The following CFAP91 variants were observed in gnomAD, a reference collection of about 807,000 sequenced individuals.
The protein encoded by CFAP91 is cilia- and flagella-associated protein 91.
A neutral mutation model predicts 95.9 loss-of-function variants in CFAP91; 85 were observed. The observed-to-expected ratio is 0.89, with a 90% CI of 0.74 to 1.06. CFAP91 has a LOEUF of 1.06. Among genes scored for constraint, CFAP91 ranks in the 50% least tolerant of loss-of-function variants. The pLI is 0.00. For synonymous variants in CFAP91, 335 were observed against 327.5 expected (o/e 1.02, Z -0.25); for missense variants, 962 against 943.4 (o/e 1.02, Z -0.26).
chr3:119,754,173 A>G (rs1441853781), intron 17 of CFAP91, among the ~76,000 whole-genome samples: 1 of 152,222 alleles, frequency 6.6e-6, no homozygotes, highest in Admixed American at 6.5e-5. Context: ...GGAATATGTT[A>G]TTAGAAACTA....
At chr3:119,744,804 A>G (rs1020141057) in intron 14 of CFAP91, among the ~76,000 whole-genome samples, 2 of 152,200 alleles carry the variant, frequency 1.3e-5, no homozygotes, top group African/African-American at 4.8e-5. Context: ...CCGAAGATGT[A>G]AATTTGGAAG....
Position 119,765,083 on chromosome 3 carries a change from A to T in CFAP91, c.*33A>T, listed in dbSNP as rs1385847895. ...ATTTTTTTGTAAAAGAAGCTGTACG[A>T]ATCATCATAAATAATTCCAATAGTC... On this transcript the variant is annotated 3_prime_UTR_variant, in exon 18 of 18. Coordinates refer to ENST00000273390, the MANE Select transcript of CFAP91 (RefSeq NM_033364.4). 1.3e-5 allele frequency: 2 copies of T among 152,206 alleles called. No individual in the cohort carries two copies. The highest frequency in any genetic ancestry group is 2.9e-5 in the Non-Finnish European group (2 of 68,020). The allele number at this position is 152,206 out of a possible 1,614,324, so 9.4% of individuals were successfully genotyped here. A position where few individuals can be genotyped will look rare whatever the true frequency, so the allele number is the denominator to read the frequency against.
intron 6 of CFAP91, among the ~76,000 whole-genome samples, chr3:119,720,616 A>T (rs1275266687): frequency 6.6e-6 from 1 of 152,210 alleles, no homozygotes; most frequent in Non-Finnish European, 1.5e-5. Flanking sequence ...AAACTGCTTT[A>T]TGCAACTTCT....
At chr3:119,718,124 G>A (rs191846739) in intron 6 of CFAP91, among the ~76,000 whole-genome samples, 45 of 152,326 alleles carry the variant, frequency 3.0e-4, no homozygotes, top group Middle Eastern at 3.4e-3. Context: ...GACACCAGGA[G>A]TGACCCACAA....
intron 5 of CFAP91, chr3:119,715,300 A>G: frequency 1.7e-6 from 1 of 573,346 alleles, no homozygotes; most frequent in East Asian, 3.3e-5. Flanking sequence ...GCCCAGTGAC[A>G]CACATATAAA....
chr3:119,762,297 C>T (rs1247844422), intron 17 of CFAP91, among the ~76,000 whole-genome samples: 2 of 151,776 alleles, frequency 1.3e-5, no homozygotes, highest in Non-Finnish European at 3.0e-5. Context: ...GAGACCTGTA[C>T]ATTGAAAACT....
intron 8 of CFAP91, among the ~76,000 whole-genome samples, chr3:119,732,070 T>C (rs1228206152): frequency 6.6e-6 from 1 of 152,232 alleles, no homozygotes; most frequent in African/African-American, 2.4e-5. Flanking sequence ...TTGAGGACAC[T>C]AGCTGATTCT....
chr3:119,752,124 A>T (rs531893217), intron 17 of CFAP91, among the ~76,000 whole-genome samples: 1 of 152,190 alleles, frequency 6.6e-6, no homozygotes, highest in East Asian at 1.9e-4. Flanking sequence ...TTCTCCCTCA[A>T]CCCTTTTGTG....
intron 7 of CFAP91, among the ~76,000 whole-genome samples, chr3:119,726,979 T>C (rs1194578781): frequency 6.6e-6 from 1 of 152,148 alleles, no homozygotes; most frequent in African/African-American, 2.4e-5. Flanking sequence ...GAGGTACTTG[T>C]GGTTGGGTTT....
intron 1 of CFAP91, among the ~76,000 whole-genome samples, chr3:119,704,446 C>T (rs984764748): frequency 3.9e-5 from 6 of 152,168 alleles, no homozygotes; most frequent in African/African-American, 1.4e-4. Context: ...AACTAAGATG[C>T]TGTGCTCTCC....
rs2053416177 is a variant in CFAP91, at chr3:119,708,517, A to G, written c.360-74A>G. The G allele has an allele frequency of 4.9e-6, 5 of 1,018,946 alleles. No individual in the cohort carries two copies. In the East Asian group the frequency reaches 1.0e-4, roughly 21 times the overall value. 63.1% of individuals were successfully genotyped at this position (1,018,946 alleles called of 1,614,324 possible). Reference sequence around the variant, plus strand: ...ACTCTGTGTAGGTCCTACTCTATACACATAGAAATATTAAATAGAAATTAT... The same window carrying G: ...ACTCTGTGTAGGTCCTACTCTATACGCATAGAAATATTAAATAGAAATTAT... On this transcript the variant is annotated intron_variant, in intron 3 of 17. Transcript: ENST00000273390.
In CFAP91 at chr3:119,736,836, CT is replaced by C. The variant is rs551664979; in HGVS notation, c.1345-520del. On this transcript the variant is annotated intron_variant, in intron 10 of 17. Transcript: ENST00000273390. ...ATAACCATGTCTAGTCAGTGGTTAA[CT>C]TTTTTTTTTGTTTTTTGAGATGAAG... Among the ~76,000 whole-genome samples the C allele has an allele frequency of 2.6e-3, 392 of 148,920 alleles. 2 individuals are homozygous for C. The highest frequency in any genetic ancestry group is 4.4e-3 in the Non-Finnish European group (296 of 66,912).
chr3:119,760,018 A>G (rs182970956), intron 17 of CFAP91, among the ~76,000 whole-genome samples: 5 of 152,064 alleles, frequency 3.3e-5, no homozygotes, highest in East Asian at 3.9e-4. Context: ...TGATAGTAGT[A>G]AGTCTTTATC....
chr3:119,728,886 A>G (rs551561744), intron 7 of CFAP91, among the ~76,000 whole-genome samples: 55 of 152,136 alleles, frequency 3.6e-4, no homozygotes, highest in Non-Finnish European at 7.1e-4. Flanking sequence ...CTAGCCTGGT[A>G]TGTATCTCCT....
intron 6 of CFAP91, among the ~76,000 whole-genome samples, chr3:119,718,849 AATTT>A (rs2053627230): frequency 6.6e-6 from 1 of 152,112 alleles, no homozygotes; most frequent in African/African-American, 2.4e-5. Context: ...GGATTAAGTA[AATTT>A]ATTTATGTAA....
intron 2 of CFAP91, 85 bp downstream of exon 2, chr3:119,706,970 C>A: frequency 1.9e-6 from 2 of 1,039,798 alleles, no homozygotes; most frequent in Non-Finnish European, 3.0e-6. Context: ...TGACTAATCA[C>A]CAAATCTTCA....
chr3:119,704,686 C>T (rs1379918817), intron 1 of CFAP91, among the ~76,000 whole-genome samples: 1 of 152,108 alleles, frequency 6.6e-6, no homozygotes, highest in Non-Finnish European at 1.5e-5. Context: ...GCAACTCTAG[C>T]CTTCTTTCTA....
chr3:119,725,248 G>A (rs79933549), intron 6 of CFAP91, among the ~76,000 whole-genome samples: 459 of 152,312 alleles, frequency 3.0e-3, no homozygotes, highest in Non-Finnish European at 4.9e-3. Context: ...ATCCAGGGAG[G>A]CATACGTTGG....
At chr3:119,727,494 T>C (rs1326197799) in intron 7 of CFAP91, among the ~76,000 whole-genome samples, 11 of 152,326 alleles carry the variant, frequency 7.2e-5, no homozygotes, top group Non-Finnish European at 5.9e-5. Context: ...TTTGTTAAAC[T>C]GAGGGCAATT....
Sources: gnomAD v4.1 joint callset for allele counts (sites outside exome capture counted in the v4.1 genomes callset) on GRCh38, gnomAD v4.1.1 for gene constraint, MANE v1.5 for transcripts, NCBI Gene and HGNC (gene_info 2026-07-23, HGNC 2026-07-21) for gene names.